Variants in STK32B observed in about 807,000 individuals in gnomAD.
STK32B encodes the protein serine/threonine kinase 32B.
A neutral mutation model predicts 52.6 loss-of-function variants in STK32B; 43 were observed. That is an observed-to-expected ratio of 0.82 (90% confidence interval 0.64 to 1.05). STK32B has a LOEUF of 1.05. Among genes scored for constraint, STK32B ranks in the 50% least tolerant of loss-of-function variants. The pLI is 0.00. For missense variants in STK32B, 621 were observed against 534.6 expected (o/e 1.16, Z -1.59); for synonymous variants, 238 against 204.3 (o/e 1.17, Z -1.41).
At chr4:5,332,889 T>A (rs1375773111) in intron 4 of STK32B, among the ~76,000 whole-genome samples, 1 of 152,246 alleles carries the variant, frequency 6.6e-6, no homozygotes, top group East Asian at 1.9e-4. Context: ...TTAATCCAGT[T>A]TATCATTGTT....
At chr4:5,146,598 T>C (rs1716933315) in intron 2 of STK32B, among the ~76,000 whole-genome samples, 1 of 152,112 alleles carries the variant, frequency 6.6e-6, no homozygotes, top group Admixed American at 6.6e-5. Context: ...CAAATGTCAG[T>C]CTCTTATGGC....
chr4:5,303,325 C>T (rs945965806), intron 3 of STK32B, among the ~76,000 whole-genome samples: 2 of 152,150 alleles, frequency 1.3e-5, no homozygotes, highest in Admixed American at 1.3e-4. Flanking sequence ...TCATTTACAC[C>T]ACATCCATGC....
At chr4:5,195,786 C>G (rs1721600451) in intron 3 of STK32B, among the ~76,000 whole-genome samples, 1 of 152,200 alleles carries the variant, frequency 6.6e-6, no homozygotes, top group Admixed American at 6.5e-5. Context: ...TCACAGTGAC[C>G]TCACTTGGTC....
At position 5,303,606 on chromosome 4, in the gene STK32B, G is replaced by C. The variant is rs1729723102; in HGVS notation, c.261-27614G>C. ...TAGTCCTTTCTCAGATGTATACATT[G>C]CAAAGATTTTCTGTCACTCTATGGG... On this transcript the variant is annotated intron_variant, in intron 3 of 11. Transcript: ENST00000282908. Among the ~76,000 whole-genome samples, 4 of 152,178 alleles carry C rather than the reference G, an allele frequency of 2.6e-5. No individual in the cohort carries two copies. In the South Asian group the frequency reaches 8.3e-4, roughly 32 times the overall value.
chr4:5,482,042 G>C (rs539060195), intron 11 of STK32B, among the ~76,000 whole-genome samples: 1 of 152,016 alleles, frequency 6.6e-6, no homozygotes, highest in Non-Finnish European at 1.5e-5. Context: ...TTGTTCTTTT[G>C]GCCTAGGATT....
intron 3 of STK32B, among the ~76,000 whole-genome samples, chr4:5,249,407 T>C (rs967190029): frequency 9.2e-5 from 14 of 152,070 alleles, no homozygotes; most frequent in African/African-American, 3.1e-4. Context: ...ATCTGATGTC[T>C]TCCTGCCTGT....
chr4:5,369,526 C>T (rs930147548), intron 4 of STK32B, among the ~76,000 whole-genome samples: 7 of 152,098 alleles, frequency 4.6e-5, no homozygotes, highest in Non-Finnish European at 2.9e-5. Flanking sequence ...TTGCAGGCAG[C>T]TCTGATGTCT....
At chr4:5,317,237 ATATATAT>A (rs1731075897) in intron 3 of STK32B, among the ~76,000 whole-genome samples, 1 of 57,444 alleles carries the variant, frequency 1.7e-5, no homozygotes, top group Non-Finnish European at 2.4e-5. Flanking sequence ...TATATAACAT[ATATATAT>A]TATATATAAC....
intron 7 of STK32B, among the ~76,000 whole-genome samples, chr4:5,449,166 C>A (rs1403139978): frequency 1.3e-5 from 2 of 152,122 alleles, no homozygotes; most frequent in Non-Finnish European, 2.9e-5. Flanking sequence ...TATGGTGAAA[C>A]CCTGCCTCTA....
intron 3 of STK32B, among the ~76,000 whole-genome samples, chr4:5,310,123 G>A (rs910649837): frequency 2.0e-5 from 3 of 152,024 alleles, no homozygotes; most frequent in East Asian, 1.9e-4. Flanking sequence ...CCCAGATCAC[G>A]CCACTGCACT....
At chr4:5,108,072 C>T (rs904009635) in intron 1 of STK32B, among the ~76,000 whole-genome samples, 1 of 152,150 alleles carries the variant, frequency 6.6e-6, no homozygotes, top group Admixed American at 6.5e-5. Context: ...TCCAGGGTAA[C>T]CATTGCCCTG....
At chr4:5,235,595 C>G (rs1435522756) in intron 3 of STK32B, among the ~76,000 whole-genome samples, 2 of 152,132 alleles carry the variant, frequency 1.3e-5, no homozygotes, top group African/African-American at 4.8e-5. Context: ...AGAAATGTGC[C>G]TATCTTTAAA....
At chr4:5,304,411 A>T (rs1369551782) in intron 3 of STK32B, among the ~76,000 whole-genome samples, 1 of 141,544 alleles carries the variant, frequency 7.1e-6, no homozygotes, top group Non-Finnish European at 1.5e-5. Flanking sequence ...GTACAGTTCT[A>T]AGTATTTTAT....
intron 2 of STK32B, among the ~76,000 whole-genome samples, chr4:5,160,864 G>T (rs978967561): frequency 3.3e-5 from 5 of 152,176 alleles, no homozygotes; most frequent in Admixed American, 3.3e-4. Flanking sequence ...CCTTCACACA[G>T]GGAGGTCAGA....
intron 3 of STK32B, among the ~76,000 whole-genome samples, chr4:5,329,006 C>T (rs149084690): frequency 6.6e-6 from 1 of 152,210 alleles, no homozygotes; most frequent in East Asian, 1.9e-4. Flanking sequence ...ATTAATAATA[C>T]CAACAATAAT....
chr4:5,327,437 G>T (rs28826432), intron 3 of STK32B, among the ~76,000 whole-genome samples: 51 of 151,498 alleles, frequency 3.4e-4, no homozygotes, highest in African/African-American at 1.2e-3. Flanking sequence ...AGTGTCAAAG[G>T]TCAAAATTAC....
At chr4:5,471,788 A>C (rs944469039) in intron 11 of STK32B, among the ~76,000 whole-genome samples, 1 of 152,102 alleles carries the variant, frequency 6.6e-6, no homozygotes, top group African/African-American at 2.4e-5. Flanking sequence ...TTCTGAGTTG[A>C]GTCATAAGGA....
At chr4:5,475,710 G>T (rs1228960594) in intron 11 of STK32B, among the ~76,000 whole-genome samples, 1 of 149,800 alleles carries the variant, frequency 6.7e-6, no homozygotes, top group African/African-American at 2.5e-5. Context: ...AAAAAAAAAA[G>T]TGTGACCGAT....
chr4:5,364,794 C>T (rs1239097472), intron 4 of STK32B, among the ~76,000 whole-genome samples: 1 of 152,152 alleles, frequency 6.6e-6, no homozygotes, highest in East Asian at 1.9e-4. Context: ...ACCTTCAGGC[C>T]TCCATGTGTT....
Sources: gnomAD v4.1 joint callset for allele counts (sites outside exome capture counted in the v4.1 genomes callset) on GRCh38, gnomAD v4.1.1 for gene constraint, MANE v1.5 for transcripts, NCBI Gene and HGNC (gene_info 2026-07-23, HGNC 2026-07-21) for gene names.